RNF2: variants seen among roughly 807,000 people sequenced by gnomAD.
RNF2 encodes ring finger protein 2, also known as E3 ubiquitin-protein ligase RING2.
Under a neutral mutation model 37.2 loss-of-function variants are expected in RNF2, and 6 were observed. The ratio of observed to expected loss-of-function variants is 0.16; its 90% CI spans 0.09 to 0.32. RNF2 has a LOEUF of 0.32. Ranked by LOEUF, RNF2 falls within the 10% of genes least tolerant of loss-of-function variation. The pLI, the probability that RNF2 is intolerant of heterozygous loss-of-function variation, is 1.00. For synonymous variants in RNF2, 133 were observed against 132.7 expected (o/e 1.00, Z -0.02); for missense variants, 251 against 404.0 (o/e 0.62, Z 3.25).
At chr1:185,081,178 A>AT (rs2102185906) in intron 1 of RNF2, among the ~76,000 whole-genome samples, 1 of 152,290 alleles carries the variant, frequency 6.6e-6, no homozygotes, top group South Asian at 2.1e-4. Flanking sequence ...CAGTCAACAC[A>AT]TTTTTGCCAA....
intron 2 of RNF2, among the ~76,000 whole-genome samples, chr1:185,088,860 A>G (rs1381488556): frequency 6.6e-6 from 1 of 152,170 alleles, no homozygotes; most frequent in Admixed American, 6.5e-5. Context: ...GTGTTAAAGT[A>G]ATTTAGAGAT....
intron 1 of RNF2, among the ~76,000 whole-genome samples, chr1:185,084,642 G>T (rs1284788635): frequency 2.0e-5 from 3 of 152,142 alleles, no homozygotes; most frequent in Non-Finnish European, 4.4e-5. Flanking sequence ...GCTTCTCTTA[G>T]CTGTATTATC....
intron 1 of RNF2, among the ~76,000 whole-genome samples, chr1:185,058,416 G>A (rs1473513062): frequency 1.3e-5 from 2 of 152,116 alleles, no homozygotes; most frequent in Admixed American, 6.6e-5. Context: ...TTCTCCCAGA[G>A]GTGAGAGTTC....
intron 1 of RNF2, among the ~76,000 whole-genome samples, chr1:185,055,697 A>G (rs1250552080): frequency 6.6e-6 from 1 of 152,194 alleles, no homozygotes; most frequent in African/African-American, 2.4e-5. Flanking sequence ...TGGGATTACG[A>G]GGTGTGAGCC....
Position 185,102,056 on chromosome 1 carries a change from GTGAT to G in RNF2, c.*1757_*1760del, listed in dbSNP as rs1468368210. The stretch of plus-strand genomic sequence containing the variant: ...TGCATTAAATAACTAAATTCCCATT[GTGAT>G]TAATTGAAATTTTGTCTTTAAGCAG... On this transcript the variant is annotated 3_prime_UTR_variant, in exon 7 of 7. Coordinates refer to ENST00000367510, the MANE Select transcript of RNF2 (RefSeq NM_007212.4). 6.6e-6 allele frequency: 1 copy of G among 152,476 alleles called. No individual in the cohort carries two copies. The highest frequency in any genetic ancestry group is 1.9e-4 in the East Asian group (1 of 5,194). The allele number at this position is 152,476 out of a possible 1,614,324, so 9.4% of individuals were successfully genotyped here. A position where few individuals can be genotyped will look rare whatever the true frequency, so the allele number is the denominator to read the frequency against.
chr1:185,066,390 C>T (rs1368787546), intron 1 of RNF2, among the ~76,000 whole-genome samples: 1 of 152,152 alleles, frequency 6.6e-6, no homozygotes. Context: ...TTATGTTGGT[C>T]CTTCAGGACT....
intron 2 of RNF2, among the ~76,000 whole-genome samples, chr1:185,088,800 G>T (rs1197708667): frequency 6.6e-6 from 1 of 152,152 alleles, no homozygotes; most frequent in Admixed American, 6.5e-5. Context: ...GTGCTAATAA[G>T]TACTATGTTG....
chr1:185,054,497 C>T (rs931761751), intron 1 of RNF2, among the ~76,000 whole-genome samples: 2 of 152,152 alleles, frequency 1.3e-5, no homozygotes, highest in Non-Finnish European at 2.9e-5. Flanking sequence ...TCTCTGGCCC[C>T]TCCGGGCCGG....
At chr1:185,097,673 A>T (rs773590124) in intron 4 of RNF2, among the ~76,000 whole-genome samples, 6 of 152,202 alleles carry the variant, frequency 3.9e-5, no homozygotes, top group African/African-American at 4.8e-5. Context: ...AGCTGAGATG[A>T]TAGGTGCACC....
intron 2 of RNF2, among the ~76,000 whole-genome samples, chr1:185,089,898 G>A (rs1322953957): frequency 6.6e-6 from 1 of 151,832 alleles, no homozygotes; most frequent in Admixed American, 6.6e-5. Flanking sequence ...AGGCCTGGTG[G>A]TGCACACCTG....
At chr1:185,083,522 A>G (rs1025780343) in intron 1 of RNF2, among the ~76,000 whole-genome samples, 1 of 152,046 alleles carries the variant, frequency 6.6e-6, no homozygotes, top group Non-Finnish European at 1.5e-5. Flanking sequence ...CTTCCCACTC[A>G]GGGTCTCTCC....
chr1:185,093,319 ATACTT>A (rs1167260104), intron 4 of RNF2, 43 bp downstream of exon 4: 1 of 1,542,442 alleles, frequency 6.5e-7, no homozygotes, highest in East Asian at 2.4e-5. Context: ...GTTTTTCTGA[ATACTT>A]TATTAACAAT....
At chr1:185,065,956 A>ATTT (rs57453569) in intron 1 of RNF2, among the ~76,000 whole-genome samples, 4 of 138,706 alleles carry the variant, frequency 2.9e-5, no homozygotes, top group African/African-American at 8.1e-5. Context: ...ATACTGTCTC[A>ATTT]TTTTTTTTTT....
chr1:185,050,979 T>G (rs1650252634), intron 1 of RNF2, among the ~76,000 whole-genome samples: 1 of 152,252 alleles, frequency 6.6e-6, no homozygotes, highest in Non-Finnish European at 1.5e-5. Context: ...CCACTCTTTG[T>G]TGTCTTTTTT....
chr1:185,093,625 G>T (rs1367925780), intron 4 of RNF2, among the ~76,000 whole-genome samples: 1 of 152,004 alleles, frequency 6.6e-6, no homozygotes, highest in East Asian at 1.9e-4. Flanking sequence ...TGTTATTAGT[G>T]ATCTCTTCAT....
intron 1 of RNF2, among the ~76,000 whole-genome samples, chr1:185,065,370 G>C (rs10911673): frequency 0.15 from 23,114 of 152,150 alleles, 2,064 homozygotes; most frequent in East Asian, 0.35. Flanking sequence ...GCCACCGAAG[G>C]CCCCAGTGGC....
rs765301806 is a variant in RNF2, at chr1:185,083,910, C to CTTT, written c.-2-3628_-2-3626dup. On this transcript the variant is annotated intron_variant, in intron 1 of 6. Coordinates refer to ENST00000367510, the MANE Select transcript of RNF2 (RefSeq NM_007212.4). ...GTGTGAGCCACTGTGCCTGGCCTAC[C>CTTT]TTTTTTTTTTTTTTTTAAGTCTTTT... Among the ~76,000 whole-genome samples, 3 of 121,378 alleles carry CTTT rather than the reference C, an allele frequency of 2.5e-5. No individual in the cohort carries two copies. In the East Asian group the frequency reaches 7.0e-4, roughly 29 times the overall value. 79.6% of individuals were successfully genotyped at this position (121,378 alleles called of 152,430 possible). A position where few individuals can be genotyped will look rare whatever the true frequency, so the allele number is the denominator to read the frequency against.
intron 4 of RNF2, among the ~76,000 whole-genome samples, chr1:185,094,246 G>A (rs550915451): frequency 9.9e-5 from 15 of 152,012 alleles, no homozygotes; most frequent in East Asian, 7.8e-4. Flanking sequence ...GGTTTCCAGC[G>A]ATTCTCCTGC....
chr1:185,059,303 C>A (rs924189322), intron 1 of RNF2, among the ~76,000 whole-genome samples: 3 of 151,562 alleles, frequency 2.0e-5, no homozygotes, highest in Non-Finnish European at 2.9e-5. Context: ...TGACGGGGGA[C>A]ACAGGAAACA....
Sources: allele counts gnomAD v4.1 joint callset (sites outside exome capture counted in the v4.1 genomes callset), GRCh38; gene constraint gnomAD v4.1.1; transcripts MANE v1.5; gene names NCBI Gene and HGNC (gene_info 2026-07-23, HGNC 2026-07-21).